VIL1: variants seen among roughly 807,000 people sequenced by gnomAD.
VIL1 encodes villin-1.
In VIL1, 86 loss-of-function variants were observed where a neutral mutation model predicts 104.0. That is an observed-to-expected ratio of 0.83 (90% CI 0.69 to 0.99). VIL1 has a LOEUF of 0.99. Among genes scored for constraint, VIL1 ranks in the 50% least tolerant of loss-of-function variants. The probability of loss-of-function intolerance (pLI) is 0.00; values close to 1 mark genes in which losing one functional copy is unlikely to be tolerated. For synonymous variants in VIL1, 394 were observed against 412.6 expected (o/e 0.95, Z 0.55); for missense variants, 944 against 1,054.1 (o/e 0.90, Z 1.45).
intron 4 of VIL1, 91 bp downstream of exon 4, chr2:218,425,902 A>G: frequency 2.9e-6 from 4 of 1,357,196 alleles, no homozygotes; most frequent in Non-Finnish European, 4.0e-6. Flanking sequence ...GGACACCCAG[A>G]CCTGTTCAGG....
rs1251952493 is a variant in VIL1 at position 218,429,314 on chromosome 2, C to G, written c.597C>G (p.Asp199Glu). 6 of 1,613,886 alleles carry G rather than the reference C, an allele frequency of 3.7e-6. No homozygotes were observed. The highest frequency in any genetic ancestry group is 5.1e-6 in the Non-Finnish European group (6 of 1,179,904). ...RGMTLAKEIR[D>E]QERGGRTYVG... is the part of the protein sequence containing the mutation. ...TGACTCTGGCCAAGGAGATCCGAGA[C>G]CAGGAGCGGGGAGGGCGCACCTATG... The change falls in exon 7 of 20, where the codon GAC becomes GAG. Residue 199 changes from aspartate to glutamate, a missense_variant. Transcript: ENST00000248444.
At chr2:218,428,437 GT>G (rs1194444222) in intron 6 of VIL1, 100 bp downstream of exon 6, 19 of 1,033,954 alleles carry the variant, frequency 1.8e-5, no homozygotes, top group Non-Finnish European at 1.5e-6. Context: ...GGGACAGCAT[GT>G]TTGAAGGTGG....
At position 218,428,312 on chromosome 2, in the gene VIL1, A is replaced by G. The variant is rs369108979; in HGVS notation, c.542A>G (p.Glu181Gly). ...CTTATCATCCAGTGGAATGGACCGG[A>G]AAGCACCCGTATGGAGAGACTCAGG... ...GKLIIQWNGP[E>G]STRMERLRGM... The change falls in exon 6 of 20, where the codon GAA (glutamate) becomes GGA (glycine). Residue 181 changes from glutamate to glycine, a missense_variant. By Grantham distance (98) the Glu-to-Gly change is moderately conservative (BLOSUM62 -2). Coordinates refer to ENST00000248444, the MANE Select transcript of VIL1 (RefSeq NM_007127.3). The G allele has an allele frequency of 6.2e-6, 10 of 1,614,146 alleles. No individual in the cohort carries two copies. The East Asian group carries it at 1.1e-4, about 18-fold the overall frequency.
intron 3 of VIL1, among the ~76,000 whole-genome samples, chr2:218,425,129 G>A (rs1688957546): frequency 6.6e-6 from 1 of 152,008 alleles, no homozygotes; most frequent in Admixed American, 6.6e-5. Context: ...CGCCCAGGCT[G>A]GAGTGCAATG....
chr2:218,430,891 C>T lies in VIL1; in HGVS notation c.1102+13C>T, dbSNP rs200310601. On this transcript the variant is annotated intron_variant, in intron 10 of 19. Transcript: ENST00000248444. ...GTGGGCTCCGTGGGTGAGGGCCAGG[C>T]GGGGGCAGTGAGGGAGCCAGGATCC... The T allele has an allele frequency of 5.8e-5, 94 of 1,607,104 alleles. No homozygotes were observed. Among genetic ancestry groups the T allele is most frequent in the South Asian group, 5.0e-4 (45 of 90,164 alleles).
chr2:218,430,130 A>T (rs1367775033), intron 9 of VIL1, among the ~76,000 whole-genome samples, 183 bp downstream of exon 9: 1 of 152,180 alleles, frequency 6.6e-6, no homozygotes, highest in Non-Finnish European at 1.5e-5. Context: ...CTGAGGGGCC[A>T]TTCTGTGGTC....
At chr2:218,439,816 C>CAA (rs35708356) in intron 18 of VIL1, among the ~76,000 whole-genome samples, 4,478 of 50,400 alleles carry the variant, frequency 0.089, 195 homozygotes, top group East Asian at 0.2. Flanking sequence ...GACCCTGTCT[C>CAA]AAAAAAAAAA....
At chr2:218,432,684 G>T in intron 12 of VIL1, 109 bp from the exon 13 acceptor site, 1 of 1,410,346 alleles carries the variant, frequency 7.1e-7, no homozygotes, top group Non-Finnish European at 9.7e-7. Flanking sequence ...GAAGACAATT[G>T]GGTTTAGGAC....
chr2:218,428,893 C>T (rs1274489847), intron 6 of VIL1, among the ~76,000 whole-genome samples: 6 of 152,210 alleles, frequency 3.9e-5, no homozygotes, highest in African/African-American at 1.4e-4. Flanking sequence ...TGGTCTTGAA[C>T]TCCTGATCTC....
At chr2:218,428,103 G>A in intron 5 of VIL1, 30 bp downstream of exon 5, 1 of 1,611,522 alleles carries the variant, frequency 6.2e-7, no homozygotes, top group Non-Finnish European at 8.5e-7. Flanking sequence ...GCATCGGCCA[G>A]GGCTGTGAGG....
intron 3 of VIL1, 87 bp from the exon 4 acceptor site, chr2:218,425,528 T>C: frequency 7.0e-7 from 1 of 1,426,528 alleles, no homozygotes; most frequent in Non-Finnish European, 9.7e-7. Flanking sequence ...CCCATAGTCC[T>C]GGACGGCACG....
chr2:218,434,749 T>G, intron 14 of VIL1, 44 bp downstream of exon 14: 2 of 1,559,932 alleles, frequency 1.3e-6, no homozygotes, highest in Non-Finnish European at 1.7e-6. Flanking sequence ...AAGTGGGTCC[T>G]GGGAGTCCCC....
At chr2:218,445,051 G>C (rs1263514803) in intron 19 of VIL1, among the ~76,000 whole-genome samples, 1 of 152,138 alleles carries the variant, frequency 6.6e-6, no homozygotes, top group Non-Finnish European at 1.5e-5. Context: ...GGGTATGGCA[G>C]CTTCTCCCCA....
At chr2:218,439,804 C>T (rs1462099433) in intron 18 of VIL1, among the ~76,000 whole-genome samples, 1 of 118,864 alleles carries the variant, frequency 8.4e-6, no homozygotes, top group East Asian at 2.4e-4. Context: ...GCAACAGAGT[C>T]AGACCCTGTC....
At chr2:218,444,908 C>T (rs1490739068) in intron 19 of VIL1, among the ~76,000 whole-genome samples, 1 of 152,178 alleles carries the variant, frequency 6.6e-6, no homozygotes, top group African/African-American at 2.4e-5. Context: ...TGCTATCTAG[C>T]CTGAGGGGTC....
At chr2:218,425,421 G>A (rs1456928185) in intron 3 of VIL1, among the ~76,000 whole-genome samples, 194 bp from the exon 4 acceptor site, 1 of 152,204 alleles carries the variant, frequency 6.6e-6, no homozygotes, top group Admixed American at 6.5e-5. Context: ...GAGGCCCAGA[G>A]AGGAGAAGCC....
At chr2:218,429,702 C>T in intron 8 of VIL1, 27 bp downstream of exon 8, 4 of 1,613,428 alleles carry the variant, frequency 2.5e-6, no homozygotes, top group Non-Finnish European at 3.4e-6. Flanking sequence ...ACCCCTCAGC[C>T]TACTGCAGCC....
rs563071802 is a variant in VIL1, at chr2:218,427,117, G to A, written c.348-848G>A. Among the ~76,000 whole-genome samples the A allele has an allele frequency of 2.6e-5, 4 of 152,244 alleles. No homozygotes were observed. In the East Asian group the frequency reaches 7.7e-4, roughly 29 times the overall value. ...CTTTCCCCAGGAAAACACACACTCT[G>A]GAGCTGAGTTGTTACTGACCTGTAG... is the stretch of plus-strand genomic sequence containing the variant. On this transcript the variant is annotated intron_variant, in intron 4 of 19. Coordinates refer to ENST00000248444, the MANE Select transcript of VIL1 (RefSeq NM_007127.3).
chr2:218,423,847 G>A lies in VIL1; in HGVS notation c.69G>A (p.Arg23=), dbSNP rs554821638. ...NITTPGLQIW[R]IEAMQMVPVP... ...CCACCCCGGGGCTGCAGATATGGAG[G>A]ATCGAGGTGAGGCCCTGTCTGGGCA... Residue 23 remains arginine (R), a synonymous_variant, in exon 2 of 20, where the codon AGG becomes AGA. Coordinates refer to ENST00000248444, the MANE Select transcript of VIL1 (RefSeq NM_007127.3). 7.7e-5 allele frequency: 125 copies of A among 1,614,172 alleles called. No individual in the cohort carries two copies. The South Asian group carries it at 1.2e-3, about 15-fold the overall frequency.
Sources: allele counts gnomAD v4.1 joint callset (sites outside exome capture counted in the v4.1 genomes callset), GRCh38; gene constraint gnomAD v4.1.1; transcripts MANE v1.5; gene names NCBI Gene and HGNC (gene_info 2026-07-23, HGNC 2026-07-21).